HYAL2: variants seen among roughly 807,000 people sequenced by gnomAD.
HYAL2 encodes the protein hyaluronidase-2.
HYAL2 carries 30 observed loss-of-function variants against 35.4 expected under a neutral mutation model. The ratio of observed to expected loss-of-function variants is 0.85; its 90% confidence interval spans 0.63 to 1.15. The LOEUF is 1.15. HYAL2 is among the 50% of genes most tolerant of loss of function. The pLI is 0.00. For missense variants in HYAL2, 635 were observed against 646.5 expected (o/e 0.98, Z 0.19); for synonymous variants, 262 against 252.8 (o/e 1.04, Z -0.34).
In HYAL2 at chr3:50,320,446, A is replaced by G; in HGVS notation, c.44T>C (p.Leu15Pro). The change falls in exon 2 of 4, where the codon CTG becomes CCG. Residue 15 changes from leucine to proline, a missense_variant. By Grantham distance (98) the Leu-to-Pro change is moderately conservative (BLOSUM62 -3). Coordinates refer to ENST00000357750, the MANE Select transcript of HYAL2 (RefSeq NM_003773.5). The surrounding 1 kb of genome is among the most constrained non-coding windows in gnomAD (Gnocchi z 4.8). Reference protein sequence around the residue: ...PGPTVTLALVLAVSWAMELKP... With the variant: ...PGPTVTLALVPAVSWAMELKP... ...GAGCTCCATGGCCCATGACACCGCC[A>G]GCACCAGGGCCAATGTAACGGTGGG... 1.9e-6 allele frequency: 3 copies of G among 1,578,014 alleles called. No individual in the cohort carries two copies. The highest frequency in any genetic ancestry group is 2.6e-6 in the Non-Finnish European group (3 of 1,160,506).
chr3:50,319,254 C>G (rs1702629730), intron 2 of HYAL2, among the ~76,000 whole-genome samples: 1 of 152,176 alleles, frequency 6.6e-6, no homozygotes, highest in Non-Finnish European at 1.5e-5. Flanking sequence ...TTTCCCAAGC[C>G]AAGGGCACAC....
At position 50,318,414 on chromosome 3, in the gene HYAL2, G is replaced by A; in HGVS notation, c.1137C>T (p.Arg379=). 6.2e-7 allele frequency: 1 copy of A among 1,613,296 alleles called. No homozygotes were observed. Among genetic ancestry groups the A allele is most frequent in the African/African-American group, 1.3e-5 (1 of 75,076 alleles). Residue 379 remains arginine, a synonymous_variant, in exon 4 of 4, where the codon CGC becomes CGT. Coordinates refer to ENST00000357750, the MANE Select transcript of HYAL2 (RefSeq NM_003773.5). The surrounding 1 kb of genome is among the most constrained non-coding windows in gnomAD (Gnocchi z 4.5). ...QCHGHGRCVR[R]NPSASTFLHL... ...GCAGGAAGGTACTGGCACTGGGGTT[G>A]CGGCGCACACAGCGCCCATGGCCAT...
chr3:50,319,470 A>G lies in HYAL2; in HGVS notation c.921+99T>C, dbSNP rs904033495. ...GATTTGAGGGGATGTGGAGCAGCCAATAAACTACAGGTATAGTCCTATAGT... is the reference window on the plus strand; with the variant it reads ...GATTTGAGGGGATGTGGAGCAGCCAGTAAACTACAGGTATAGTCCTATAGT... On this transcript the variant is annotated intron_variant, in intron 2 of 3. Transcript: ENST00000357750. 5.7e-6 allele frequency: 6 copies of G among 1,043,580 alleles called. No individual in the cohort carries two copies. The African/African-American group carries it at 8.1e-5, about 14-fold the overall frequency. The allele number at this position is 1,043,580 out of a possible 1,614,324, so 64.6% of individuals were successfully genotyped here.
In HYAL2 at chr3:50,322,450, G is replaced by C. The variant is rs587637708; in HGVS notation, c.-47+203C>G. 2.6e-5 allele frequency: 4 copies of C among 152,248 alleles called. No individual in the cohort carries two copies. In the South Asian group the frequency reaches 8.3e-4, roughly 32 times the overall value. 9.4% of individuals were successfully genotyped at this position (152,248 alleles called of 1,614,324 possible). ...TACGCTCCACAGGCCTCTCCCGGTG[G>C]GGGGCAGGCTTAGACCCTGGCGAGC... On this transcript the variant is annotated intron_variant, in intron 1 of 3. Coordinates refer to ENST00000357750, the MANE Select transcript of HYAL2 (RefSeq NM_003773.5). The surrounding 1 kb of genome is among the most constrained non-coding windows in gnomAD (Gnocchi z 5.5).
rs782819086 is a variant in HYAL2, at chr3:50,320,492, TG to T, written c.-4del. ...GTGGGGCCTGGGCCTGCCCGCATGC[TG>T]GGGGCTGCAGGAGGTGTCACCTGCC... is the stretch of plus-strand genomic sequence containing the variant. On this transcript the variant is annotated 5_prime_UTR_variant, in exon 2 of 4. Coordinates refer to ENST00000357750, the MANE Select transcript of HYAL2 (RefSeq NM_003773.5). This position sits in a 1 kb window ranked among gnomAD's most constrained non-coding sequence, Gnocchi z 4.8. 7.9e-6 allele frequency: 12 copies of T among 1,527,398 alleles called. No homozygotes were observed. Among genetic ancestry groups the T allele is most frequent in the Non-Finnish European group, 7.0e-6 (8 of 1,140,088 alleles). 94.6% of individuals were successfully genotyped at this position (1,527,398 alleles called of 1,614,324 possible).
chr3:50,319,128 G>A, intron 2 of HYAL2, 83 bp from the exon 3 acceptor site: 1 of 916,050 alleles, frequency 1.1e-6, no homozygotes, highest in East Asian at 2.6e-5. Flanking sequence ...ACCCCAGCCT[G>A]ATTCAACCTG....
intron 1 of HYAL2, chr3:50,321,474 G>A (rs1221970796): frequency 6.6e-6 from 1 of 152,162 alleles, no homozygotes; most frequent in Non-Finnish European, 1.5e-5. Flanking sequence ...CGCCTCTGCT[G>A]GCTCCGCCCC....
Position 50,322,382 on chromosome 3 carries a change from A to C in HYAL2, c.-47+271T>G, listed in dbSNP as rs1488329713. On this transcript the variant is annotated intron_variant, in intron 1 of 3. Coordinates refer to ENST00000357750, the MANE Select transcript of HYAL2 (RefSeq NM_003773.5). This position sits in a 1 kb window ranked among gnomAD's most constrained non-coding sequence, Gnocchi z 5.5. Reference sequence around the variant, plus strand: ...TGGCTGGACCTCCGAGAAAGCCAGCAAGAGGGGTCTCCCAGGGCCTCCATC... The same window carrying C: ...TGGCTGGACCTCCGAGAAAGCCAGCCAGAGGGGTCTCCCAGGGCCTCCATC... 1 of 151,946 alleles carries C rather than the reference A, an allele frequency of 6.6e-6. No homozygotes were observed. The allele number at this position is 151,946 out of a possible 1,614,324, so 9.4% of individuals were successfully genotyped here. A position where few individuals can be genotyped will look rare whatever the true frequency, so the allele number is the denominator to read the frequency against.
Position 50,318,003 on chromosome 3 carries a change from C to T in HYAL2, c.*126G>A. 4.6e-6 allele frequency: 5 copies of T among 1,077,260 alleles called. No individual in the cohort carries two copies. The East Asian group carries it at 1.2e-4, about 26-fold the overall frequency. 66.7% of individuals were successfully genotyped at this position (1,077,260 alleles called of 1,614,324 possible). On this transcript the variant is annotated 3_prime_UTR_variant, in exon 4 of 4. Coordinates refer to ENST00000357750, the MANE Select transcript of HYAL2 (RefSeq NM_003773.5). This position sits in a 1 kb window ranked among gnomAD's most constrained non-coding sequence, Gnocchi z 4.5. The stretch of plus-strand genomic sequence containing the variant: ...GGGGGTGCGAGCTGGTATGGATGCC[C>T]TCCTGGGCTTCCTGGGGGCTCTGCC...
rs990922233 is a variant in HYAL2 at position 50,318,540 on chromosome 3, C to T, written c.1012-1G>A. On this transcript the variant is annotated splice_acceptor_variant, in intron 3 of 3. Coordinates refer to ENST00000357750, the MANE Select transcript of HYAL2 (RefSeq NM_003773.5). LOFTEE classifies it high-confidence loss of function. This position sits in a 1 kb window ranked among gnomAD's most constrained non-coding sequence, Gnocchi z 4.5. ...AATCTTTGAGGTACTGGCAGGTCTCCTGGAGGCAGAAGACAAGGACCACAG... is the reference window on the plus strand; with the variant it reads ...AATCTTTGAGGTACTGGCAGGTCTCTTGGAGGCAGAAGACAAGGACCACAG... 2.5e-6 allele frequency: 4 copies of T among 1,595,742 alleles called. No individual in the cohort carries two copies. Among genetic ancestry groups the T allele is most frequent in the Non-Finnish European group, 3.4e-6 (4 of 1,168,672 alleles).
intron 1 of HYAL2, chr3:50,321,460 T>C (rs935970368): frequency 6.6e-6 from 1 of 152,032 alleles, no homozygotes; most frequent in African/African-American, 2.4e-5. Flanking sequence ...GCGGCCCGGC[T>C]CAGCGCCTCT....
Position 50,320,261 on chromosome 3 carries a change from T to C in HYAL2, c.229A>G (p.Ile77Val). The C allele has an allele frequency of 5.6e-6, 9 of 1,613,988 alleles. No individual in the cohort carries two copies. The highest frequency in any genetic ancestry group is 1.1e-5 in the South Asian group (1 of 91,090). The change falls in exon 2 of 4, where the codon ATC becomes GTC. Residue 77 changes from isoleucine (I) to valine (V), a missense_variant. Transcript: ENST00000357750. This position sits in a 1 kb window ranked among gnomAD's most constrained non-coding sequence, Gnocchi z 4.8. ...NEGFVNQNIT[I>V]FYRDRLGLYP... ...AGGCCTAGACGGTCGCGGTAGAAGA[T>C]GGTAATATTCTGGTTCACAAAACCC...
At position 50,319,798 on chromosome 3, in the gene HYAL2, T is replaced by G; in HGVS notation, c.692A>C (p.Glu231Ala). ...ESYTGRCPDV[E>A]VARNDQLAWL... ...GGCCAGCTGGTCATTGCGGGCCACC[T>G]CAACATCAGGGCAGCGGCCTGTGTA... is the stretch of plus-strand genomic sequence containing the variant. The change falls in exon 2 of 4, where the codon GAG becomes GCG. Residue 231 changes from glutamate (E) to alanine (A), a missense_variant. Coordinates refer to ENST00000357750, the MANE Select transcript of HYAL2 (RefSeq NM_003773.5). 1 of 1,613,794 alleles carries G rather than the reference T, an allele frequency of 6.2e-7. No individual in the cohort carries two copies. The highest frequency in any genetic ancestry group is 8.5e-7 in the Non-Finnish European group (1 of 1,180,018).
rs1702644404 is a variant in HYAL2 at position 50,319,820 on chromosome 3, T to C, written c.670A>G (p.Thr224Ala). The stretch of plus-strand genomic sequence containing the variant: ...ACCTCAACATCAGGGCAGCGGCCTG[T>C]GTAGCTCTCCCAGTTCTGCACATAA... ...HDYVQNWESY[T>A]GRCPDVEVAR... is the part of the protein sequence containing the mutation. Residue 224 changes from threonine to alanine, a missense_variant, in exon 2 of 4, where the codon ACA becomes GCA. Physicochemically the swap from Thr to Ala is moderately conservative, Grantham distance 58. Transcript: ENST00000357750. The C allele has an allele frequency of 6.2e-7, 1 of 1,613,712 alleles. No individual in the cohort carries two copies. Among genetic ancestry groups the C allele is most frequent in the South Asian group, 1.1e-5 (1 of 91,086 alleles).
rs1702618097 is a variant in HYAL2 at position 50,318,799 on chromosome 3, G to A, written c.1011+157C>T. On this transcript the variant is annotated intron_variant, in intron 3 of 3. Transcript: ENST00000357750. This position sits in a 1 kb window ranked among gnomAD's most constrained non-coding sequence, Gnocchi z 4.5. ...AGCATTTCCTCTTTCCTGAGAGCAGGGCCGGGGTGACCTCCTCCTGTTGCC... is the reference window on the plus strand; with the variant it reads ...AGCATTTCCTCTTTCCTGAGAGCAGAGCCGGGGTGACCTCCTCCTGTTGCC... The A allele has an allele frequency of 6.9e-6, 5 of 723,704 alleles. No individual in the cohort carries two copies. The highest frequency in any genetic ancestry group is 3.5e-5 in the African/African-American group (2 of 57,596). 44.8% of individuals were successfully genotyped at this position (723,704 alleles called of 1,614,324 possible). A position where few individuals can be genotyped will look rare whatever the true frequency, so the allele number is the denominator to read the frequency against.
rs868916690 is a variant in HYAL2, at chr3:50,318,412, T to A, written c.1139A>T (p.Asn380Ile). 4 of 1,613,232 alleles carry A rather than the reference T, an allele frequency of 2.5e-6. No individual in the cohort carries two copies. In the Middle Eastern group the frequency reaches 4.9e-4, roughly 200 times the overall value. The change falls in exon 4 of 4, where the codon AAC becomes ATC. Residue 380 changes from asparagine (N) to isoleucine (I), a missense_variant. Coordinates refer to ENST00000357750, the MANE Select transcript of HYAL2 (RefSeq NM_003773.5). The surrounding 1 kb of genome is among the most constrained non-coding windows in gnomAD (Gnocchi z 4.5). ...CHGHGRCVRR[N>I]PSASTFLHLS... Reference sequence around the variant, plus strand: ...ATGCAGGAAGGTACTGGCACTGGGGTTGCGGCGCACACAGCGCCCATGGCC... The same window carrying A: ...ATGCAGGAAGGTACTGGCACTGGGGATGCGGCGCACACAGCGCCCATGGCC...
chr3:50,318,940 G>A lies in HYAL2; in HGVS notation c.1011+16C>T, dbSNP rs782114027. The A allele has an allele frequency of 2.5e-6, 4 of 1,608,472 alleles. No homozygotes were observed. The highest frequency in any genetic ancestry group is 2.2e-5 in the South Asian group (2 of 90,982). ...TGTCCCATAGACTGAGCTCTGGCAGGCTGGGTCTCGCTTACCGTGCTTGTG... is the reference window on the plus strand; with the variant it reads ...TGTCCCATAGACTGAGCTCTGGCAGACTGGGTCTCGCTTACCGTGCTTGTG... On this transcript the variant is annotated intron_variant, in intron 3 of 3. Coordinates refer to ENST00000357750, the MANE Select transcript of HYAL2 (RefSeq NM_003773.5). This position sits in a 1 kb window ranked among gnomAD's most constrained non-coding sequence, Gnocchi z 4.5.
Position 50,318,502 on chromosome 3 carries a change from A to C in HYAL2, c.1049T>G (p.Leu350Arg). 1 of 1,610,212 alleles carries C rather than the reference A, an allele frequency of 6.2e-7. No homozygotes were observed. The highest frequency in any genetic ancestry group is 2.2e-5 in the East Asian group (1 of 44,772). The change falls in exon 4 of 4, where the codon CTG (leucine) becomes CGG (arginine). Residue 350 changes from leucine to arginine, a missense_variant. Transcript: ENST00000357750. This position sits in a 1 kb window ranked among gnomAD's most constrained non-coding sequence, Gnocchi z 4.5. ...CQYLKDYLTRLLVPYVVNVSW... is the reference protein window; with the variant it reads ...CQYLKDYLTRRLVPYVVNVSW... The stretch of plus-strand genomic sequence containing the variant: ...CACATTGACCACGTAGGGGACCAGC[A>C]GCCGTGTCAGGTAATCTTTGAGGTA...
chr3:50,318,976 C>T lies in HYAL2; in HGVS notation c.991G>A (p.Ala331Thr). The change falls in exon 3 of 4, where the codon GCG (alanine) becomes ACG (threonine). Residue 331 changes from alanine (A) to threonine (T), a missense_variant. By Grantham distance (58) the Ala-to-Thr change is moderately conservative. Transcript: ENST00000357750. The surrounding 1 kb of genome is among the most constrained non-coding windows in gnomAD (Gnocchi z 4.5). Reference sequence around the variant, plus strand: ...CTTACCGTGCTTGTGGTGTACCCCGCGTCACCCCAGAGGATGACACCAGCT... The same window carrying T: ...CTTACCGTGCTTGTGGTGTACCCCGTGTCACCCCAGAGGATGACACCAGCT... ...GAAGVILWGDAGYTTSTETCQ... is the reference protein window; with the variant it reads ...GAAGVILWGDTGYTTSTETCQ... The T allele has an allele frequency of 3.7e-6, 6 of 1,613,224 alleles. No homozygotes were observed. The highest frequency in any genetic ancestry group is 5.1e-6 in the Non-Finnish European group (6 of 1,179,470).
Sources: allele counts gnomAD v4.1 joint callset (sites outside exome capture counted in the v4.1 genomes callset), GRCh38; gene constraint gnomAD v4.1.1; non-coding constraint Gnocchi (gnomAD v3.1); transcripts MANE v1.5; gene names NCBI Gene and HGNC (gene_info 2026-07-23, HGNC 2026-07-21).